Variants in SETBP1 observed in about 807,000 individuals in gnomAD.
SETBP1 encodes SET-binding protein.
A neutral mutation model predicts 101.0 loss-of-function variants in SETBP1; 9 were observed. The ratio of observed to expected loss-of-function variants is 0.09; its 90% CI spans 0.05 to 0.16. The LOEUF is 0.16. Ranked by LOEUF, SETBP1 falls within the 10% of genes least tolerant of loss-of-function variation. The pLI is 1.00. For missense variants in SETBP1, 1,858 were observed against 2,033.8 expected, an observed-to-expected ratio of 0.91 and a Z score of 1.66; for synonymous variants, 818 against 788.5, an observed-to-expected ratio of 1.04 and a Z score of -0.63.
intron 3 of SETBP1, among the ~76,000 whole-genome samples, chr18:44,873,891 A>C (rs892077622): frequency 1.3e-5 from 2 of 152,210 alleles, no homozygotes; most frequent in African/African-American, 4.8e-5. Context: ...TACTGCTAAA[A>C]AAGCCCACAT....
intron 4 of SETBP1, chr18:44,987,248 T>C (rs2072261426): frequency 2.0e-5 from 3 of 152,214 alleles, no homozygotes; most frequent in Non-Finnish European, 4.4e-5. Flanking sequence ...TGTATGACTG[T>C]ATTTAAAGCT....
In SETBP1 at chr18:45,053,297, A is replaced by G. The variant is rs377594216; in HGVS notation, c.4172-9782A>G. Among the ~76,000 whole-genome samples, 7 of 152,362 alleles carry G rather than the reference A, an allele frequency of 4.6e-5. No individual in the cohort carries two copies. The South Asian group carries it at 1.2e-3, about 27-fold the overall frequency. ...TCAGATCAACTTTAGCAGATGATAT[A>G]ATCTCCAGAGAGTGATCAAAATGAA... On this transcript the variant is annotated intron_variant, in intron 5 of 5. Coordinates refer to ENST00000649279, the MANE Select transcript of SETBP1 (RefSeq NM_015559.3).
At chr18:44,921,361 C>A (rs1385951854) in intron 3 of SETBP1, among the ~76,000 whole-genome samples, 1 of 152,196 alleles carries the variant, frequency 6.6e-6, no homozygotes, top group Non-Finnish European at 1.5e-5. Flanking sequence ...TGCTGAATTT[C>A]TCTGAGCTTA....
intron 1 of SETBP1, among the ~76,000 whole-genome samples, chr18:44,700,504 C>T (rs2069097542): frequency 6.6e-6 from 1 of 152,030 alleles, no homozygotes; most frequent in Non-Finnish European, 1.5e-5. Flanking sequence ...AGTTGTTTTC[C>T]ATTAATCACA....
chr18:44,920,914 T>C (rs926925619), intron 3 of SETBP1, among the ~76,000 whole-genome samples: 2 of 152,224 alleles, frequency 1.3e-5, no homozygotes, highest in African/African-American at 4.8e-5. Context: ...ATTTTTGCCT[T>C]TGTTCTCACA....
chr18:45,027,487 A>T (rs1170795990), intron 4 of SETBP1, among the ~76,000 whole-genome samples: 1 of 152,182 alleles, frequency 6.6e-6, no homozygotes, highest in Non-Finnish European at 1.5e-5. Flanking sequence ...ATTAACCAAA[A>T]ATATCCATTG....
chr18:44,850,982 A>C (rs2072844420), intron 2 of SETBP1, among the ~76,000 whole-genome samples: 1 of 152,180 alleles, frequency 6.6e-6, no homozygotes, highest in Non-Finnish European at 1.5e-5. Context: ...CCAGTCTCCT[A>C]TCAAAGACAC....
At chr18:44,703,348 G>GTGTTTTTTTTTT (rs2069151172) in intron 2 of SETBP1, among the ~76,000 whole-genome samples, 2 of 51,444 alleles carry the variant, frequency 3.9e-5, no homozygotes, top group African/African-American at 1.4e-4. Context: ...TTACCATTAG[G>GTGTTTTTTTTTT]TTTTTTTTTT....
intron 2 of SETBP1, among the ~76,000 whole-genome samples, chr18:44,841,257 C>G (rs1303382795): frequency 1.3e-5 from 2 of 152,118 alleles, no homozygotes; most frequent in African/African-American, 2.4e-5. Flanking sequence ...TGGCAAATTC[C>G]TCCCGGTTCT....
chr18:44,694,332 C>T (rs1423635814), intron 1 of SETBP1, among the ~76,000 whole-genome samples: 3 of 152,148 alleles, frequency 2.0e-5, no homozygotes, highest in Non-Finnish European at 4.4e-5. Flanking sequence ...CTGCCTCAGC[C>T]TCCTGAGTAG....
chr18:44,947,199 AT>A (rs2071226862), intron 3 of SETBP1, among the ~76,000 whole-genome samples: 1 of 152,178 alleles, frequency 6.6e-6, no homozygotes, highest in Non-Finnish European at 1.5e-5. Context: ...AAAACTTATA[AT>A]GGGGGTATTT....
At position 44,872,859 on chromosome 18, in the gene SETBP1, C is replaced by T. The variant is rs16978211; in HGVS notation, c.540+3576C>T. On this transcript the variant is annotated intron_variant, in intron 3 of 5. Transcript: ENST00000649279. Reference sequence around the variant, plus strand: ...CAGTGGTGGAACAGTGATGTGACAACGAACGTCCACCACAGAGGAAAGCAC... The same window carrying T: ...CAGTGGTGGAACAGTGATGTGACAATGAACGTCCACCACAGAGGAAAGCAC... 5.9e-3 allele frequency among the ~76,000 whole-genome samples: 903 copies of T among 152,326 alleles called. 10 individuals are homozygous for T. Among genetic ancestry groups the T allele is most frequent in the African/African-American group, 0.021 (860 of 41,568 alleles).
intron 2 of SETBP1, among the ~76,000 whole-genome samples, chr18:44,806,896 C>A (rs1333217129): frequency 3.9e-5 from 6 of 151,936 alleles, no homozygotes; most frequent in African/African-American, 1.4e-4. Flanking sequence ...CTCCTGCGTG[C>A]CACCTAGCCA....
At chr18:45,038,745 A>G in intron 5 of SETBP1, 90 bp downstream of exon 5, 2 of 1,411,604 alleles carry the variant, frequency 1.4e-6, no homozygotes, top group Non-Finnish European at 2.0e-6. Flanking sequence ...TACAGGTAAG[A>G]GTTCTCTGTT....
At chr18:44,886,809 A>G (rs1240223974) in intron 3 of SETBP1, among the ~76,000 whole-genome samples, 1 of 150,826 alleles carries the variant, frequency 6.6e-6, no homozygotes, top group Non-Finnish European at 1.5e-5. Context: ...AAGGAAGCCA[A>G]CTGTTTCATT....
At chr18:44,978,832 G>T (rs2072048724) in intron 4 of SETBP1, among the ~76,000 whole-genome samples, 1 of 152,096 alleles carries the variant, frequency 6.6e-6, no homozygotes, top group Non-Finnish European at 1.5e-5. Context: ...AAAAGCTACA[G>T]GACGTGATGC....
intron 2 of SETBP1, among the ~76,000 whole-genome samples, chr18:44,795,795 A>G (rs559969515): frequency 6.6e-6 from 1 of 152,356 alleles, no homozygotes; most frequent in African/African-American, 2.4e-5. Flanking sequence ...AACTCAGTCA[A>G]CATAAGCTCT....
chr18:44,996,211 G>A (rs2072494837), intron 4 of SETBP1, among the ~76,000 whole-genome samples: 1 of 152,188 alleles, frequency 6.6e-6, no homozygotes, highest in Non-Finnish European at 1.5e-5. Context: ...ATGTTTCAAT[G>A]AAGTCTGATA....
chr18:44,810,033 T>C (rs1391122726), intron 2 of SETBP1, among the ~76,000 whole-genome samples: 2 of 152,108 alleles, frequency 1.3e-5, no homozygotes, highest in African/African-American at 4.8e-5. Context: ...TTTTTACAGG[T>C]CCTTGTGGAT....
Sources: allele counts gnomAD v4.1 joint callset (sites outside exome capture counted in the v4.1 genomes callset), GRCh38; gene constraint gnomAD v4.1.1; transcripts MANE v1.5; gene names NCBI Gene and HGNC (gene_info 2026-07-23, HGNC 2026-07-21).